Variants in PRSS23 observed in about 807,000 individuals in gnomAD.
The protein encoded by PRSS23 is serine protease 23, also known as protease, serine 23.
A neutral mutation model predicts 34.7 loss-of-function variants in PRSS23; 25 were observed. The ratio of observed to expected loss-of-function variants is 0.72; its 90% CI spans 0.53 to 1.01. The LOEUF (loss-of-function observed/expected upper bound fraction) is 1.01. Ranked by LOEUF, PRSS23 falls within the 50% of genes least tolerant of loss-of-function variation. PRSS23 has a pLI of 0.00. For synonymous variants in PRSS23, 176 were observed against 186.6 expected, an observed-to-expected ratio of 0.94 and a Z score of 0.46; for missense variants, 445 against 475.6, an observed-to-expected ratio of 0.94 and a Z score of 0.60.
intron 2 of PRSS23, among the ~76,000 whole-genome samples, chr11:86,879,092 A>C: frequency 7.7e-6 from 1 of 130,098 alleles, no homozygotes; most frequent in South Asian, 2.8e-4. Context: ...CCGTCTAGGA[A>C]GTGAGGAGCA....
chr11:86,800,525 T>A (rs1948020266), upstream of PRSS23: 1 of 984,426 alleles, frequency 1.0e-6, no homozygotes, highest in South Asian at 4.7e-5. Flanking sequence ...CTGCCTGCGC[T>A]GCTCGCCAGC....
intron 2 of PRSS23, among the ~76,000 whole-genome samples, chr11:86,864,211 T>A (rs777129337): frequency 8.7e-5 from 13 of 148,830 alleles, no homozygotes; most frequent in Non-Finnish European, 1.6e-4. Context: ...ATGGTGATTA[T>A]TTAAACTTGA....
At chr11:86,827,279 G>T (rs183720672) in intron 2 of PRSS23, among the ~76,000 whole-genome samples, 1 of 152,104 alleles carries the variant, frequency 6.6e-6, no homozygotes, top group South Asian at 2.1e-4. Context: ...GTTTATTTGC[G>T]TAGAGATGTT....
At chr11:86,842,294 G>A (rs1040069618) in intron 2 of PRSS23, among the ~76,000 whole-genome samples, 5 of 152,102 alleles carry the variant, frequency 3.3e-5, no homozygotes, top group African/African-American at 1.2e-4. Context: ...AAAATAATAA[G>A]AGCTATTTAT....
chr11:86,895,040 T>C (rs1163464025), intron 2 of PRSS23, among the ~76,000 whole-genome samples: 1 of 152,224 alleles, frequency 6.6e-6, no homozygotes, highest in Non-Finnish European at 1.5e-5. Context: ...TACTCTTTCT[T>C]TGATGACATT....
chr11:86,808,338 G>T lies in PRSS23; in HGVS notation c.695G>T (p.Gly232Val). The change falls in exon 2 of 2, where the codon GGT becomes GTT. Residue 232 changes from glycine (G) to valine (V), a missense_variant. Coordinates refer to ENST00000280258, the MANE Select transcript of PRSS23 (RefSeq NM_007173.6). ...GTGAAACGCACCCATGTGCCCAAGG[G>T]TTGGATCAAGGGCAATGCCAATGAC... ...IRVKRTHVPK[G>V]WIKGNANDIG... 2.5e-6 allele frequency: 4 copies of T among 1,614,176 alleles called. No individual in the cohort carries two copies. Among genetic ancestry groups the T allele is most frequent in the Non-Finnish European group, 3.4e-6 (4 of 1,180,036 alleles).
chr11:86,831,302 T>A (rs1948353535), intron 2 of PRSS23, among the ~76,000 whole-genome samples: 1 of 152,056 alleles, frequency 6.6e-6, no homozygotes, highest in South Asian at 2.1e-4. Flanking sequence ...ACTCCTAATG[T>A]CATAGCGGGT....
chr11:86,887,862 CCCAACA>C (rs1044038735), intron 2 of PRSS23, among the ~76,000 whole-genome samples: 4 of 151,958 alleles, frequency 2.6e-5, no homozygotes, highest in African/African-American at 9.7e-5. Context: ...GACCAGCCTG[CCCAACA>C]CAGTGAAAAT....
At chr11:86,943,299 C>A (rs1004908252) in intron 2 of PRSS23, among the ~76,000 whole-genome samples, 1 of 152,260 alleles carries the variant, frequency 6.6e-6, no homozygotes. Flanking sequence ...GCCAAAGAAT[C>A]TACCCACTCC....
chr11:86,850,059 A>T (rs1222660708), intron 2 of PRSS23, among the ~76,000 whole-genome samples: 1 of 152,204 alleles, frequency 6.6e-6, no homozygotes, highest in Non-Finnish European at 1.5e-5. Context: ...CAGGACTGGA[A>T]TATGTTTAAC....
At chr11:86,902,270 C>T (rs1477696606) in intron 2 of PRSS23, among the ~76,000 whole-genome samples, 1 of 152,162 alleles carries the variant, frequency 6.6e-6, no homozygotes. Flanking sequence ...TCTATTTGCT[C>T]CCAATTTCTA....
chr11:86,830,388 A>G (rs570973563), intron 2 of PRSS23, among the ~76,000 whole-genome samples: 2 of 152,190 alleles, frequency 1.3e-5, no homozygotes, highest in East Asian at 1.9e-4. Context: ...TCCAGGTGCC[A>G]TCTGTCACCC....
intron 2 of PRSS23, among the ~76,000 whole-genome samples, chr11:86,834,659 C>T (rs1215656322): frequency 6.7e-6 from 1 of 149,430 alleles, no homozygotes; most frequent in Non-Finnish European, 1.5e-5. Flanking sequence ...GGTTGCTGTA[C>T]AGCCAATAAT....
At chr11:86,811,267 C>T (rs891277058), downstream of PRSS23, 1 of 166,190 alleles carries the variant, frequency 6.0e-6, no homozygotes, top group Admixed American at 6.5e-5. Context: ...TATAAGCAAT[C>T]TGGTGTTCTA....
chr11:86,889,381 T>G (rs960393837), intron 2 of PRSS23, among the ~76,000 whole-genome samples: 1 of 152,196 alleles, frequency 6.6e-6, no homozygotes, highest in African/African-American at 2.4e-5. Context: ...AATATATTTC[T>G]TATAGTTCTG....
chr11:86,821,357 C>G, intron 1 of PRSS23: 2 of 865,030 alleles, frequency 2.3e-6, no homozygotes, highest in Non-Finnish European at 3.7e-6. Flanking sequence ...GTATAGTGAT[C>G]CTAGTTTTGC....
At chr11:86,945,973 C>T (rs1008311229) in intron 2 of PRSS23, 5 of 152,570 alleles carry the variant, frequency 3.3e-5, no homozygotes, top group Admixed American at 1.3e-4. Flanking sequence ...GCATCCAGCC[C>T]GACTGCTGCA....
chr11:86,793,904 T>A (rs1373178961), intron 1 of PRSS23, among the ~76,000 whole-genome samples: 1 of 152,080 alleles, frequency 6.6e-6, no homozygotes, highest in Non-Finnish European at 1.5e-5. Flanking sequence ...AATTACAACA[T>A]AAGATATAAT....
rs771658795 is a variant in PRSS23 at position 86,807,748 on chromosome 11, C to T, written c.105C>T (p.Tyr35=). The T allele has an allele frequency of 6.2e-7, 1 of 1,614,132 alleles. No individual in the cohort carries two copies. Among genetic ancestry groups the T allele is most frequent in the Non-Finnish European group, 8.5e-7 (1 of 1,180,004 alleles). Residue 35 remains tyrosine, a synonymous_variant, in exon 2 of 2, where the codon TAC becomes TAT. Transcript: ENST00000280258. ...CCTGGAAACCCACTTGGCCTGCATA[C>T]CGCCTCCCTGTCGTCTTGCCCCAGT... is the stretch of plus-strand genomic sequence containing the variant. ...SAPWKPTWPA[Y]RLPVVLPQST...
Sources: allele counts gnomAD v4.1 joint callset (sites outside exome capture counted in the v4.1 genomes callset), GRCh38; gene constraint gnomAD v4.1.1; transcripts MANE v1.5; gene names NCBI Gene and HGNC (gene_info 2026-07-23, HGNC 2026-07-21).